The following SMOC1 variants were observed in gnomAD, a reference collection of about 807,000 sequenced individuals.
SMOC1 encodes SPARC related modular calcium binding 1, also known as SPARC-related modular calcium-binding protein 1.
SMOC1 carries 22 observed loss-of-function variants against 56.3 expected under a neutral mutation model. The ratio of observed to expected loss-of-function variants is 0.39; its 90% CI spans 0.28 to 0.56. SMOC1 has a LOEUF of 0.56. SMOC1 is among the 20% of genes least tolerant of loss of function. The probability of loss-of-function intolerance (pLI) is 0.61; values close to 1 mark genes in which losing one functional copy is unlikely to be tolerated. For synonymous variants in SMOC1, 193 were observed against 215.0 expected, an observed-to-expected ratio of 0.90 and a Z score of 0.89; for missense variants, 509 against 565.4, an observed-to-expected ratio of 0.90 and a Z score of 1.01.
chr14:69,939,999 T>G (rs1336301935), intron 1 of SMOC1, among the ~76,000 whole-genome samples: 1 of 152,212 alleles, frequency 6.6e-6, no homozygotes, highest in African/African-American at 2.4e-5. Flanking sequence ...CTGTTTCTCT[T>G]TGCCATCTAG....
chr14:69,929,581 G>C (rs1885107040), intron 1 of SMOC1, among the ~76,000 whole-genome samples: 1 of 152,172 alleles, frequency 6.6e-6, no homozygotes, highest in Non-Finnish European at 1.5e-5. Flanking sequence ...CTAAGACATT[G>C]GGGTGTTTTA....
At chr14:69,891,490 G>T (rs975941200) in intron 1 of SMOC1, among the ~76,000 whole-genome samples, 5 of 152,208 alleles carry the variant, frequency 3.3e-5, no homozygotes, top group African/African-American at 1.2e-4. Flanking sequence ...AGCTGAGCAT[G>T]ACTTTCCTTT....
intron 8 of SMOC1, 49 bp downstream of exon 8, chr14:70,010,995 A>T: frequency 6.2e-7 from 1 of 1,603,552 alleles, no homozygotes; most frequent in African/African-American, 1.3e-5. Flanking sequence ...GCTGGCTGTT[A>T]TCCATGCTGG....
intron 3 of SMOC1, among the ~76,000 whole-genome samples, chr14:69,971,228 G>GGCTGGTCTCGAACT (rs1400305469): frequency 6.6e-6 from 1 of 152,122 alleles, no homozygotes; most frequent in Non-Finnish European, 1.5e-5. Context: ...ATGTTGGCCA[G>GGCTGGTCTCGAACT]GCTGGTCTCG....
At chr14:69,886,708 G>T (rs954906198) in intron 1 of SMOC1, among the ~76,000 whole-genome samples, 4 of 152,134 alleles carry the variant, frequency 2.6e-5, no homozygotes, top group African/African-American at 9.7e-5. Context: ...GTCCAGGGTG[G>T]GTCCTTGTGT....
In SMOC1 at chr14:70,023,357, G is replaced by C; in HGVS notation, c.1201G>C (p.Ala401Pro). Residue 401 changes from alanine (A) to proline (P), a missense_variant, in exon 11 of 12, where the codon GCC becomes CCC. Physicochemically the swap from Ala to Pro is conservative, Grantham distance 27 (BLOSUM62 -1). Coordinates refer to ENST00000361956, the MANE Select transcript of SMOC1 (RefSeq NM_001034852.3). ...GAAGAAAGCCAAGCCCAAGAAATGTGCCCGGCGTTTCACCGACTACTGTGA... is the reference window on the plus strand; with the variant it reads ...GAAGAAAGCCAAGCCCAAGAAATGTCCCCGGCGTTTCACCGACTACTGTGA... ...VKKKAKPKKCARRFTDYCDLN... is the reference protein window; with the variant it reads ...VKKKAKPKKCPRRFTDYCDLN... 2 of 1,614,168 alleles carry C rather than the reference G, an allele frequency of 1.2e-6. No individual in the cohort carries two copies. The highest frequency in any genetic ancestry group is 1.7e-6 in the Non-Finnish European group (2 of 1,180,044).
At chr14:70,018,446 A>G (rs771939551) in intron 10 of SMOC1, among the ~76,000 whole-genome samples, 26 of 152,176 alleles carry the variant, frequency 1.7e-4, no homozygotes, top group Admixed American at 1.2e-3. Flanking sequence ...GTGTCTGTGA[A>G]AACTCTATGG....
chr14:69,972,668 C>A (rs1159045789), intron 3 of SMOC1, among the ~76,000 whole-genome samples: 1 of 152,134 alleles, frequency 6.6e-6, no homozygotes, highest in Non-Finnish European at 1.5e-5. Flanking sequence ...TGTTCATGTG[C>A]CCACTGGGAT....
chr14:69,986,145 G>A (rs1324072645), intron 5 of SMOC1, among the ~76,000 whole-genome samples: 11 of 152,166 alleles, frequency 7.2e-5, no homozygotes, highest in Non-Finnish European at 1.3e-4. Context: ...CATGAAAAGA[G>A]CCCATTTCAA....
At chr14:69,890,913 G>T (rs190577725) in intron 1 of SMOC1, among the ~76,000 whole-genome samples, 4 of 152,144 alleles carry the variant, frequency 2.6e-5, no homozygotes, top group Admixed American at 6.5e-5. Context: ...AGATAAGTTC[G>T]AGACTGTTCA....
At position 69,921,934 on chromosome 14, in the gene SMOC1, TG is replaced by T. The variant is rs1160018902; in HGVS notation, c.100-30201del. ...GACCCCTGAAGTGCTCTGGATGAAT[TG>T]GGCTGGCTGTGATTTTGGGGTGCCT... On this transcript the variant is annotated intron_variant, in intron 1 of 11. Transcript: ENST00000361956. Among the ~76,000 whole-genome samples the T allele has an allele frequency of 4.6e-5, 7 of 152,304 alleles. No homozygotes were observed. In the East Asian group the frequency reaches 1.3e-3, roughly 29 times the overall value.
At position 69,884,811 on chromosome 14, in the gene SMOC1, C is replaced by G. The variant is rs577344418; in HGVS notation, c.99+5034C>G. On this transcript the variant is annotated intron_variant, in intron 1 of 11. Coordinates refer to ENST00000361956, the MANE Select transcript of SMOC1 (RefSeq NM_001034852.3). Reference sequence around the variant, plus strand: ...CTATGTGTCTGTTTTTATGCCATTACCATGCTGTCTTGGTTCTATAGCTTT... The same window carrying G: ...CTATGTGTCTGTTTTTATGCCATTAGCATGCTGTCTTGGTTCTATAGCTTT... Among the ~76,000 whole-genome samples, 419 of 152,206 alleles carry G rather than the reference C, an allele frequency of 2.8e-3. 3 individuals are homozygous for G. Among genetic ancestry groups the G allele is most frequent in the Admixed American group, 4.1e-3 (63 of 15,290 alleles).
At chr14:70,007,896 A>T (rs117152766) in intron 7 of SMOC1, among the ~76,000 whole-genome samples, 2,615 of 152,286 alleles carry the variant, frequency 0.017, 47 homozygotes, top group Non-Finnish European at 0.022. Context: ...TCTTTGCTGT[A>T]AGACAAACTC....
At chr14:70,014,234 A>G (rs1172427993) in intron 10 of SMOC1, among the ~76,000 whole-genome samples, 1 of 152,330 alleles carries the variant, frequency 6.6e-6, no homozygotes, top group East Asian at 1.9e-4. Context: ...TAGCGGGGAT[A>G]CTAGACCATA....
intron 1 of SMOC1, among the ~76,000 whole-genome samples, chr14:69,911,073 T>C (rs1884544306): frequency 6.6e-6 from 1 of 152,246 alleles, no homozygotes. Context: ...ATGGAACTTG[T>C]TGCTAATGTT....
At chr14:70,011,343 C>A in intron 8 of SMOC1, 142 bp from the exon 9 acceptor site, 2 of 769,260 alleles carry the variant, frequency 2.6e-6, no homozygotes, top group Non-Finnish European at 4.5e-6. Flanking sequence ...CTTGTAGCTG[C>A]CGGGCAGCGC....
intron 5 of SMOC1, among the ~76,000 whole-genome samples, chr14:69,990,354 AAAATATTACATAAGCCAT>A (rs1017749663): frequency 6.6e-6 from 1 of 152,240 alleles, no homozygotes; most frequent in African/African-American, 2.4e-5. Context: ...ATTGAATATT[AAAATATTACATAAGCCAT>A]ATGCACTTGA....
chr14:69,954,952 G>A, intron 3 of SMOC1, among the ~76,000 whole-genome samples: 1 of 152,268 alleles, frequency 6.6e-6, no homozygotes, highest in Non-Finnish European at 1.5e-5. Context: ...AGGAGGTTGA[G>A]GATTGGATAT....
At chr14:70,008,387 C>T (rs764908801) in intron 7 of SMOC1, among the ~76,000 whole-genome samples, 10 of 152,222 alleles carry the variant, frequency 6.6e-5, no homozygotes, top group Non-Finnish European at 1.3e-4. Flanking sequence ...AATCTGCCTG[C>T]CTCAGCCTTT....
Sources: allele counts gnomAD v4.1 joint callset (sites outside exome capture counted in the v4.1 genomes callset), GRCh38; gene constraint gnomAD v4.1.1; transcripts MANE v1.5; gene names NCBI Gene and HGNC (gene_info 2026-07-23, HGNC 2026-07-21).